The following MYO1D variants were observed in gnomAD, a reference collection of about 807,000 sequenced individuals.
The protein encoded by MYO1D is myosin ID.
In MYO1D, 83 loss-of-function variants were observed where a neutral mutation model predicts 122.0. The observed-to-expected ratio is 0.68, with a 90% CI of 0.57 to 0.82. MYO1D has a LOEUF of 0.82. MYO1D is among the 40% of genes least tolerant of loss of function. The pLI, the probability that MYO1D is intolerant of heterozygous loss-of-function variation, is 0.00. For missense variants in MYO1D, 1,157 were observed against 1,269.5 expected (o/e 0.91, Z 1.35); for synonymous variants, 464 against 446.9 (o/e 1.04, Z -0.48).
At chr17:32,574,558 G>A (rs899701138) in intron 21 of MYO1D, among the ~76,000 whole-genome samples, 7 of 152,096 alleles carry the variant, frequency 4.6e-5, no homozygotes, top group African/African-American at 1.7e-4. Flanking sequence ...CCTTCATGCT[G>A]CTCATCACCA....
chr17:32,793,112 G>A (rs1303028285), intron 1 of MYO1D, among the ~76,000 whole-genome samples: 2 of 151,680 alleles, frequency 1.3e-5, no homozygotes, highest in East Asian at 2.0e-4. Context: ...GCCTAGAATT[G>A]ACAACTTGGA....
At chr17:32,773,965 C>A (rs1397648860) in intron 4 of MYO1D, among the ~76,000 whole-genome samples, 1 of 152,066 alleles carries the variant, frequency 6.6e-6, no homozygotes, top group Non-Finnish European at 1.5e-5. Flanking sequence ...GCTCTGAGTC[C>A]TCTGAATCCT....
chr17:32,799,349 T>TA (rs1567647788), intron 1 of MYO1D, among the ~76,000 whole-genome samples: 1 of 152,212 alleles, frequency 6.6e-6, no homozygotes, highest in Non-Finnish European at 1.5e-5. Context: ...AAATAGTATA[T>TA]TTTTTAAGTA....
At chr17:32,728,768 G>A (rs370879250) in intron 14 of MYO1D, among the ~76,000 whole-genome samples, 27 of 152,250 alleles carry the variant, frequency 1.8e-4, no homozygotes, top group African/African-American at 4.8e-4. Context: ...TGTAGGCAAC[G>A]CAATCTTATA....
At chr17:32,720,060 A>G (rs1426005672) in intron 15 of MYO1D, among the ~76,000 whole-genome samples, 1 of 152,006 alleles carries the variant, frequency 6.6e-6, no homozygotes, top group Non-Finnish European at 1.5e-5. Context: ...AAGTATTTTA[A>G]TTTTCTGCAT....
chr17:32,832,980 C>T (rs1335133267), intron 1 of MYO1D, among the ~76,000 whole-genome samples: 3 of 152,160 alleles, frequency 2.0e-5, no homozygotes, highest in Non-Finnish European at 2.9e-5. Context: ...GGTACTCCCC[C>T]GAGTCTCGGG....
At chr17:32,604,799 T>C (rs1243611126) in intron 21 of MYO1D, among the ~76,000 whole-genome samples, 1 of 152,230 alleles carries the variant, frequency 6.6e-6, no homozygotes, top group African/African-American at 2.4e-5. Flanking sequence ...AATTTGTCTA[T>C]CTTTTGGATT....
At chr17:32,551,556 C>CCACACACACA (rs56031542) in intron 21 of MYO1D, among the ~76,000 whole-genome samples, 33 of 150,456 alleles carry the variant, frequency 2.2e-4, no homozygotes, top group African/African-American at 7.6e-4. Flanking sequence ...CATCCCACTG[C>CCACACACACA]CACACACACA....
chr17:32,609,946 AC>A (rs753373510), intron 20 of MYO1D, among the ~76,000 whole-genome samples: 1 of 152,232 alleles, frequency 6.6e-6, no homozygotes. Context: ...TTTTAAAAAA[AC>A]ATTTTATGTC....
Position 32,755,439 on chromosome 17 carries a change from C to T in MYO1D, c.1467+53G>A, listed in dbSNP as rs1027635821. ...TATAAAGTCGTTGAACTCCATCAAA[C>T]AATAAGGAGAACCTCACAGATAAAA... On this transcript the variant is annotated intron_variant, in intron 11 of 21. Transcript: ENST00000318217. The T allele has an allele frequency of 2.0e-5, 31 of 1,559,390 alleles. No individual in the cohort carries two copies. In the African/African-American group the frequency reaches 4.1e-4, roughly 21 times the overall value.
intron 7 of MYO1D, among the ~76,000 whole-genome samples, chr17:32,766,299 T>C (rs1356024912): frequency 2.0e-5 from 3 of 152,228 alleles, no homozygotes. Flanking sequence ...GTCCAGCACA[T>C]TAACCAATCA....
intron 10 of MYO1D, among the ~76,000 whole-genome samples, chr17:32,756,033 G>A (rs2089944275): frequency 6.6e-6 from 1 of 151,952 alleles, no homozygotes; most frequent in South Asian, 2.1e-4. Flanking sequence ...TCCACAAAGG[G>A]CCAACAAATA....
At chr17:32,568,216 C>A (rs2087190908) in intron 21 of MYO1D, among the ~76,000 whole-genome samples, 1 of 147,356 alleles carries the variant, frequency 6.8e-6, no homozygotes, top group Non-Finnish European at 1.5e-5. Context: ...TGGTGTCAGG[C>A]AGCTAGCATT....
At chr17:32,674,127 G>GT (rs1567941989) in intron 16 of MYO1D, among the ~76,000 whole-genome samples, 1 of 152,184 alleles carries the variant, frequency 6.6e-6, no homozygotes, top group East Asian at 1.9e-4. Flanking sequence ...CTGTTTCAAC[G>GT]TTCTGACGAA....
At chr17:32,702,756 G>A (rs1162411708) in intron 16 of MYO1D, among the ~76,000 whole-genome samples, 1 of 152,172 alleles carries the variant, frequency 6.6e-6, no homozygotes, top group East Asian at 1.9e-4. Context: ...CATGTCTGTA[G>A]TTTCACACAA....
chr17:32,739,472 G>A (rs2089748629), intron 13 of MYO1D, among the ~76,000 whole-genome samples: 1 of 138,230 alleles, frequency 7.2e-6, no homozygotes, highest in African/African-American at 2.7e-5. Context: ...GAAGGGGAAC[G>A]TCACACACCA....
At chr17:32,515,349 A>G (rs1376088846) in intron 21 of MYO1D, among the ~76,000 whole-genome samples, 2 of 152,210 alleles carry the variant, frequency 1.3e-5, no homozygotes, top group Non-Finnish European at 2.9e-5. Flanking sequence ...AGTCTCGCCC[A>G]GTCCCCCAGC....
intron 1 of MYO1D, among the ~76,000 whole-genome samples, chr17:32,844,944 T>C (rs911269067): frequency 4.6e-5 from 7 of 151,874 alleles, no homozygotes; most frequent in African/African-American, 1.5e-4. Flanking sequence ...TAGATGTATA[T>C]CTATTGACAC....
At chr17:32,723,532 T>G (rs368064590) in intron 14 of MYO1D, among the ~76,000 whole-genome samples, 19 of 151,808 alleles carry the variant, frequency 1.3e-4, no homozygotes, top group African/African-American at 4.6e-4. Flanking sequence ...AGGTGGAGTC[T>G]CTACACCACT....
Sources: gnomAD v4.1 joint callset for allele counts (sites outside exome capture counted in the v4.1 genomes callset) on GRCh38, gnomAD v4.1.1 for gene constraint, MANE v1.5 for transcripts, NCBI Gene and HGNC (gene_info 2026-07-23, HGNC 2026-07-21) for gene names.